Variants in RGS20 observed in about 807,000 individuals in gnomAD.
RGS20 encodes the protein gz-selective GTPase-activating protein.
In RGS20, 30 loss-of-function variants were observed where a neutral mutation model predicts 33.6. The ratio of observed to expected loss-of-function variants is 0.89; its 90% CI spans 0.67 to 1.21. RGS20 has a LOEUF of 1.21. Among genes scored for constraint, RGS20 ranks in the 50% most tolerant of loss-of-function variants. RGS20 has a pLI of 0.00. For synonymous variants in RGS20, 208 were observed against 197.9 expected (o/e 1.05, Z -0.43); for missense variants, 472 against 502.4 (o/e 0.94, Z 0.58).
At chr8:53,858,023 A>T (rs1387558424) in intron 1 of RGS20, among the ~76,000 whole-genome samples, 7 of 152,208 alleles carry the variant, frequency 4.6e-5, no homozygotes, top group Non-Finnish European at 1.0e-4. Flanking sequence ...TGAATTAGAA[A>T]TAAAAATAAA....
intron 2 of RGS20, among the ~76,000 whole-genome samples, chr8:53,897,480 G>A (rs889079967): frequency 2.6e-5 from 4 of 152,176 alleles, no homozygotes; most frequent in African/African-American, 9.7e-5. Context: ...AAAAATGAAT[G>A]TTACTTTTAA....
chr8:53,893,373 G>C (rs1812769238), intron 2 of RGS20, among the ~76,000 whole-genome samples: 1 of 152,146 alleles, frequency 6.6e-6, no homozygotes. Context: ...CTAAAGCTGA[G>C]ATGAAAATAG....
At chr8:53,881,523 G>C (rs1812384118) in intron 2 of RGS20, among the ~76,000 whole-genome samples, 1 of 152,132 alleles carries the variant, frequency 6.6e-6, no homozygotes, top group Non-Finnish European at 1.5e-5. Context: ...TTGGGCGCCC[G>C]GGGCTGGTGG....
intron 2 of RGS20, among the ~76,000 whole-genome samples, chr8:53,922,325 G>T (rs59537268): frequency 0.048 from 7,320 of 152,090 alleles, 471 homozygotes; most frequent in African/African-American, 0.14. Context: ...AGCCATTCCA[G>T]CTCTCTATGG....
At chr8:53,913,214 C>T (rs768757284) in intron 2 of RGS20, among the ~76,000 whole-genome samples, 1 of 152,120 alleles carries the variant, frequency 6.6e-6, no homozygotes, top group Non-Finnish European at 1.5e-5. Context: ...GATCCACCCG[C>T]CTCAGGCTCC....
intron 4 of RGS20, among the ~76,000 whole-genome samples, chr8:53,947,501 T>C (rs1451460390): frequency 2.2e-5 from 3 of 139,302 alleles, no homozygotes; most frequent in Non-Finnish European, 3.0e-5. Context: ...CTATATAGGA[T>C]ATAGTATATA....
At chr8:53,932,219 G>A (rs1043457206) in intron 2 of RGS20, among the ~76,000 whole-genome samples, 5 of 152,060 alleles carry the variant, frequency 3.3e-5, no homozygotes, top group Non-Finnish European at 5.9e-5. Context: ...GGCAGACACC[G>A]AGCTAGCTGC....
At chr8:53,887,983 A>G (rs2129276758) in intron 2 of RGS20, among the ~76,000 whole-genome samples, 1 of 152,262 alleles carries the variant, frequency 6.6e-6, no homozygotes, top group East Asian at 1.9e-4. Flanking sequence ...TGACTTAAAA[A>G]AAAAAAAGGT....
chr8:53,867,690 CCTTCCTTCCTTCCTTT>C (rs1811953214), intron 1 of RGS20, among the ~76,000 whole-genome samples: 1 of 150,864 alleles, frequency 6.6e-6, no homozygotes, highest in African/African-American at 2.4e-5. Context: ...TTCCTTCCTT[CCTTCCTTCCTTCCTTT>C]CTTTGTTTCT....
rs534351375 is a variant in RGS20, at chr8:53,911,459, T to A, written c.511-28117T>A. 2.6e-5 allele frequency among the ~76,000 whole-genome samples: 4 copies of A among 152,286 alleles called. No homozygotes were observed. The South Asian group carries it at 8.3e-4, about 32-fold the overall frequency. ...TTACGGTGCATAACTGGATCAAGAC[T>A]TTTTTACACAAAAACCAAATAACAT... On this transcript the variant is annotated intron_variant, in intron 2 of 5. Coordinates refer to ENST00000297313, the MANE Select transcript of RGS20 (RefSeq NM_170587.4).
intron 1 of RGS20, among the ~76,000 whole-genome samples, chr8:53,853,419 G>A (rs1435374664): frequency 3.3e-5 from 5 of 152,166 alleles, no homozygotes; most frequent in African/African-American, 1.2e-4. Context: ...ACACATGCTG[G>A]TGCTGGGCAG....
intron 5 of RGS20, among the ~76,000 whole-genome samples, chr8:53,956,347 G>A (rs1176104486): frequency 6.6e-6 from 1 of 152,174 alleles, no homozygotes; most frequent in East Asian, 1.9e-4. Flanking sequence ...GCATCATGGC[G>A]AAGTGTCTGG....
At chr8:53,947,533 A>C (rs1290685900) in intron 4 of RGS20, among the ~76,000 whole-genome samples, 1 of 137,426 alleles carries the variant, frequency 7.3e-6, no homozygotes, top group Admixed American at 7.8e-5. Flanking sequence ...GCTATATAGG[A>C]TATAGTATAT....
rs1811576466 is a variant in RGS20 at position 53,852,000 on chromosome 8, A to G, written c.101A>G (p.Tyr34Cys). 4 of 1,614,174 alleles carry G rather than the reference A, an allele frequency of 2.5e-6. No homozygotes were observed. The highest frequency in any genetic ancestry group is 1.1e-5 in the South Asian group (1 of 91,082). The change falls in exon 1 of 6, where the codon TAT becomes TGT. Residue 34 changes from tyrosine (Y) to cysteine (C), a missense_variant. Around this residue, in one of 3 missense-constraint regions of RGS20, gnomAD observed 28 missense variants for 49.6 expected, o/e 0.57. Coordinates refer to ENST00000297313, the MANE Select transcript of RGS20 (RefSeq NM_170587.4). ...CTGCCCCTGTTCAGGGCTCAGAGAT[A>G]TAATACAGACATTCACCAAATCACA... is the stretch of plus-strand genomic sequence containing the variant.
chr8:53,885,794 T>G (rs1389126889), intron 2 of RGS20, among the ~76,000 whole-genome samples: 2 of 130,752 alleles, frequency 1.5e-5, no homozygotes, highest in Non-Finnish European at 3.0e-5. Context: ...CTTACTCTTT[T>G]TTTTTTTTTT....
chr8:53,855,727 C>T (rs555802060), intron 1 of RGS20, among the ~76,000 whole-genome samples: 19 of 152,264 alleles, frequency 1.2e-4, no homozygotes, highest in African/African-American at 4.3e-4. Context: ...ATTCTGTGCA[C>T]GTGATTTCCT....
At chr8:53,894,221 G>T (rs1368566080) in intron 2 of RGS20, among the ~76,000 whole-genome samples, 2 of 152,164 alleles carry the variant, frequency 1.3e-5, no homozygotes, top group African/African-American at 4.8e-5. Flanking sequence ...TCCCTGCGAA[G>T]AGTCCAAAGC....
At chr8:53,872,363 A>G (rs1260637974) in intron 1 of RGS20, among the ~76,000 whole-genome samples, 1 of 152,104 alleles carries the variant, frequency 6.6e-6, no homozygotes, top group Non-Finnish European at 1.5e-5. Context: ...ATGATTTCCC[A>G]TTGCTTTTAC....
chr8:53,926,027 G>C (rs763950561), intron 2 of RGS20, among the ~76,000 whole-genome samples: 1 of 152,082 alleles, frequency 6.6e-6, no homozygotes, highest in Non-Finnish European at 1.5e-5. Flanking sequence ...TTGAGACATA[G>C]TGAGATCCCA....
Sources: allele counts gnomAD v4.1 joint callset (sites outside exome capture counted in the v4.1 genomes callset), GRCh38; gene constraint gnomAD v4.1.1; regional missense constraint gnomAD v4.1.1; transcripts MANE v1.5; gene names NCBI Gene and HGNC (gene_info 2026-07-23, HGNC 2026-07-21).